MSRA: variants seen among roughly 807,000 people sequenced by gnomAD.
MSRA encodes mitochondrial peptide methionine sulfoxide reductase.
Under a neutral mutation model 31.3 loss-of-function variants are expected in MSRA, and 54 were observed. The ratio of observed to expected loss-of-function variants is 1.73; its 90% confidence interval spans 1.39 to 2.17. The LOEUF is 2.17. Among genes scored for constraint, MSRA ranks in the 30% most tolerant of loss-of-function variants. MSRA has a pLI of 0.00. For synonymous variants in MSRA, 169 were observed against 116.5 expected (o/e 1.45, Z -2.90); for missense variants, 507 against 300.9 (o/e 1.69, Z -5.07).
intron 5 of MSRA, among the ~76,000 whole-genome samples, chr8:10,331,155 A>G (rs1208381827): frequency 1.3e-5 from 2 of 152,212 alleles, no homozygotes; most frequent in African/African-American, 4.8e-5. Flanking sequence ...TGGACTTCTC[A>G]GCCCCCAGAA....
At chr8:10,323,745 CGTGTGT>C (rs10643873) in intron 5 of MSRA, among the ~76,000 whole-genome samples, 1 of 142,622 alleles carries the variant, frequency 7.0e-6, no homozygotes, top group Non-Finnish European at 1.5e-5. Context: ...GAATTAAATA[CGTGTGT>C]GTGTGTGTGT....
chr8:10,102,880 G>A (rs1799628469), intron 1 of MSRA, among the ~76,000 whole-genome samples: 2 of 152,102 alleles, frequency 1.3e-5, no homozygotes, highest in South Asian at 2.1e-4. Context: ...TGTTAGTTTT[G>A]TACTGGGTGC....
chr8:10,130,819 C>G (rs1328435847), intron 1 of MSRA, among the ~76,000 whole-genome samples: 3 of 152,136 alleles, frequency 2.0e-5, no homozygotes, highest in African/African-American at 7.2e-5. Context: ...AGGAGTCCAG[C>G]AAATTGTCTT....
At chr8:10,133,941 G>A (rs911542258) in intron 1 of MSRA, among the ~76,000 whole-genome samples, 17 of 152,044 alleles carry the variant, frequency 1.1e-4, no homozygotes, top group Admixed American at 7.9e-4. Context: ...AGTGATTCTC[G>A]TTTCTCAGCC....
chr8:10,316,520 G>T (rs1801723408), intron 4 of MSRA, among the ~76,000 whole-genome samples: 1 of 125,976 alleles, frequency 7.9e-6, no homozygotes, highest in Non-Finnish European at 1.7e-5. Flanking sequence ...TAGCTACTTT[G>T]ATGATCCCTC....
chr8:10,271,048 T>C (rs116420893), intron 3 of MSRA, among the ~76,000 whole-genome samples: 1 of 149,362 alleles, frequency 6.7e-6, no homozygotes, highest in East Asian at 1.9e-4. Flanking sequence ...TTTAAGCTCA[T>C]GTTTGAGTTC....
At chr8:10,256,279 C>G (rs1798174692) in intron 3 of MSRA, among the ~76,000 whole-genome samples, 1 of 152,204 alleles carries the variant, frequency 6.6e-6, no homozygotes, top group Middle Eastern at 3.2e-3. Context: ...AGTTTCCACC[C>G]TGTCTTTTCA....
intron 5 of MSRA, among the ~76,000 whole-genome samples, chr8:10,396,004 C>G (rs1033839717): frequency 1.3e-5 from 2 of 152,168 alleles, no homozygotes; most frequent in Non-Finnish European, 2.9e-5. Context: ...CTTGGTATGG[C>G]TCCATTTCTG....
chr8:10,392,186 G>C (rs1412940125), intron 5 of MSRA, among the ~76,000 whole-genome samples: 5 of 152,222 alleles, frequency 3.3e-5, no homozygotes, highest in African/African-American at 7.2e-5. Context: ...GACTAGGTCA[G>C]GGGCATATGA....
chr8:10,116,167 C>G (rs1395344795), intron 1 of MSRA, among the ~76,000 whole-genome samples: 2 of 152,230 alleles, frequency 1.3e-5, no homozygotes, highest in African/African-American at 4.8e-5. Context: ...TAGATTATGG[C>G]AAGCTTGTCC....
intron 1 of MSRA, among the ~76,000 whole-genome samples, chr8:10,074,000 G>A (rs535803455): frequency 2.2e-5 from 3 of 135,496 alleles, no homozygotes; most frequent in African/African-American, 5.6e-5. Flanking sequence ...CTTTCTATAC[G>A]TGACAGTTCT....
At chr8:10,426,199 T>G (rs1563468842) in intron 5 of MSRA, among the ~76,000 whole-genome samples, 1 of 152,198 alleles carries the variant, frequency 6.6e-6, no homozygotes, top group African/African-American at 2.4e-5. Context: ...TGCTCATTCT[T>G]AGAGAGGTTC....
At chr8:10,065,346 G>A (rs542563820) in intron 1 of MSRA, among the ~76,000 whole-genome samples, 17 of 152,302 alleles carry the variant, frequency 1.1e-4, no homozygotes, top group South Asian at 4.2e-4. Context: ...GAATGTAAGA[G>A]GGGTTTCAGG....
At chr8:10,408,498 C>G (rs988803369) in intron 5 of MSRA, among the ~76,000 whole-genome samples, 3 of 152,084 alleles carry the variant, frequency 2.0e-5, no homozygotes, top group Non-Finnish European at 2.9e-5. Context: ...TGTGAGCATA[C>G]CACTACAATC....
chr8:10,337,414 C>T (rs553876474), intron 5 of MSRA: 5 of 314,178 alleles, frequency 1.6e-5, no homozygotes, highest in South Asian at 4.1e-5. Context: ...CTCCTGACCT[C>T]GTGATCCACC....
intron 1 of MSRA, among the ~76,000 whole-genome samples, chr8:10,199,945 C>T (rs1420688006): frequency 6.6e-6 from 1 of 152,176 alleles, no homozygotes; most frequent in South Asian, 2.1e-4. Context: ...AAGGACCCGC[C>T]TCTAGGTACC....
intron 3 of MSRA, among the ~76,000 whole-genome samples, chr8:10,268,876 C>T (rs914528195): frequency 6.6e-6 from 1 of 152,258 alleles, no homozygotes; most frequent in Non-Finnish European, 1.5e-5. Flanking sequence ...TACAATTTAA[C>T]TTCTTGCCAT....
intron 5 of MSRA, among the ~76,000 whole-genome samples, chr8:10,409,494 A>G (rs576747284): frequency 1.4e-4 from 22 of 152,324 alleles, no homozygotes; most frequent in African/African-American, 5.1e-4. Context: ...CTCCAGAGTC[A>G]GACTGCCTGG....
At chr8:10,381,198 C>T (rs1806048607) in intron 5 of MSRA, among the ~76,000 whole-genome samples, 1 of 152,164 alleles carries the variant, frequency 6.6e-6, no homozygotes, top group Non-Finnish European at 1.5e-5. Context: ...ACAGCCTTTT[C>T]TCCTTTTTCT....
Sources: gnomAD v4.1 joint callset for allele counts (sites outside exome capture counted in the v4.1 genomes callset) on GRCh38, gnomAD v4.1.1 for gene constraint, MANE v1.5 for transcripts, NCBI Gene and HGNC (gene_info 2026-07-23, HGNC 2026-07-21) for gene names.